The following TMPO variants were observed in gnomAD, a reference collection of about 807,000 sequenced individuals.
TMPO encodes LEM domain containing 4.
TMPO carries 22 observed loss-of-function variants against 45.4 expected under a neutral mutation model. That is an observed-to-expected ratio of 0.48 (90% CI 0.35 to 0.69). The LOEUF is 0.69. TMPO is among the 30% of genes least tolerant of loss of function. The probability of loss-of-function intolerance (pLI) is 0.01; values close to 1 mark genes in which losing one functional copy is unlikely to be tolerated. For missense variants in TMPO, 512 were observed against 548.8 expected, an observed-to-expected ratio of 0.93 and a Z score of 0.67; for synonymous variants, 241 against 204.1, an observed-to-expected ratio of 1.18 and a Z score of -1.54.
chr12:98,515,721 C>G lies in TMPO; in HGVS notation c.-147C>G. Reference sequence around the variant, plus strand: ...CGGGTCTGGCTTGGCTTTGTGTCCGCGAGTTTTTGTTCCGCTCCGCAGCGC... The same window carrying G: ...CGGGTCTGGCTTGGCTTTGTGTCCGGGAGTTTTTGTTCCGCTCCGCAGCGC... On this transcript the variant is annotated 5_prime_UTR_variant, in exon 1 of 9. Coordinates refer to ENST00000556029, the MANE Select transcript of TMPO (RefSeq NM_001032283.3). The G allele has an allele frequency of 2.7e-6, 4 of 1,502,802 alleles. No individual in the cohort carries two copies. Among genetic ancestry groups the G allele is most frequent in the Non-Finnish European group, 3.6e-6 (4 of 1,121,130 alleles). 93.1% of individuals were successfully genotyped at this position (1,502,802 alleles called of 1,614,324 possible). A position where few individuals can be genotyped will look rare whatever the true frequency, so the allele number is the denominator to read the frequency against.
intron 1 of TMPO, among the ~76,000 whole-genome samples, chr12:98,524,796 G>A (rs1876643368): frequency 6.6e-6 from 1 of 151,968 alleles, no homozygotes; most frequent in African/African-American, 2.4e-5. Context: ...GTTTCACCGT[G>A]TTGGCCATGC....
rs569018781 is a variant in TMPO at position 98,544,880 on chromosome 12, CTTTCT to C, written c.880-62_880-58del. On this transcript the variant is annotated intron_variant, in intron 6 of 8. Coordinates refer to ENST00000556029, the MANE Select transcript of TMPO (RefSeq NM_001032283.3). ...TTCTAATATTACAGAGATAAAATAT[CTTTCT>C]TTTCTTTTTAAGTGTCTGTGTTATG... The C allele has an allele frequency of 8.8e-5, 108 of 1,222,164 alleles. No homozygotes were observed. In the African/African-American group the frequency reaches 1.3e-3, roughly 14 times the overall value. 75.7% of individuals were successfully genotyped at this position (1,222,164 alleles called of 1,614,324 possible).
At chr12:98,530,751 A>G (rs928328733) in intron 2 of TMPO, among the ~76,000 whole-genome samples, 1 of 152,218 alleles carries the variant, frequency 6.6e-6, no homozygotes, top group Admixed American at 6.5e-5. Flanking sequence ...ATTTAATCAT[A>G]GTTATTTTTC....
intron 1 of TMPO, among the ~76,000 whole-genome samples, chr12:98,521,626 T>A (rs1369693007): frequency 6.6e-6 from 1 of 152,188 alleles, no homozygotes; most frequent in Non-Finnish European, 1.5e-5. Context: ...AAATAAACAT[T>A]TACAGAGTTG....
intron 1 of TMPO, among the ~76,000 whole-genome samples, chr12:98,524,078 CAG>C (rs1332382904): frequency 2.0e-5 from 3 of 152,148 alleles, no homozygotes; most frequent in Non-Finnish European, 2.9e-5. Context: ...AAACATTTAT[CAG>C]GGGGCTATTC....
chr12:98,515,787 C>T lies in TMPO; in HGVS notation c.-81C>T. On this transcript the variant is annotated 5_prime_UTR_variant, in exon 1 of 9. Transcript: ENST00000556029. ...GCCGTGAGGCTCGGAGGCGGCAGCG[C>T]GGTCCCCGGCCAGGAGCAAGCGCGC... The T allele has an allele frequency of 6.4e-7, 1 of 1,551,978 alleles. No homozygotes were observed. The highest frequency in any genetic ancestry group is 8.7e-7 in the Non-Finnish European group (1 of 1,148,806).
intron 3 of TMPO, chr12:98,534,549 A>G: frequency 3.7e-6 from 5 of 1,363,402 alleles, no homozygotes; most frequent in Non-Finnish European, 4.7e-6. Flanking sequence ...GCCTGGTACA[A>G]ACAATTTAAC....
At chr12:98,523,731 A>G (rs919483921) in intron 1 of TMPO, among the ~76,000 whole-genome samples, 1 of 152,058 alleles carries the variant, frequency 6.6e-6, no homozygotes, top group Non-Finnish European at 1.5e-5. Context: ...GCTGGAGTGC[A>G]GTGGCGCAAT....
At position 98,531,560 on chromosome 12, in the gene TMPO, A is replaced by G. The variant is rs571006272; in HGVS notation, c.407-120A>G. On this transcript the variant is annotated intron_variant, in intron 2 of 8. Transcript: ENST00000556029. ...GCATTATATGGTATTTTTTTTTTTA[A>G]GAACTTGAGTTTAGAAAAATAAAGG... 7.5e-4 allele frequency: 818 copies of G among 1,096,048 alleles called. 3 individuals are homozygous for G. Among genetic ancestry groups the G allele is most frequent in the Middle Eastern group, 6.6e-3 (22 of 3,332 alleles). 67.9% of individuals were successfully genotyped at this position (1,096,048 alleles called of 1,614,324 possible).
chr12:98,532,666 A>G (rs765804328), intron 3 of TMPO, among the ~76,000 whole-genome samples: 1 of 152,200 alleles, frequency 6.6e-6, no homozygotes, highest in African/African-American at 2.4e-5. Flanking sequence ...TTATATCTCA[A>G]TAAGCTTTGT....
rs954222614 is a variant in TMPO, at chr12:98,515,808, CGCGCCGGCGTGA to C, written c.-56_-45del. On this transcript the variant is annotated 5_prime_UTR_variant, in exon 1 of 9. Transcript: ENST00000556029. The stretch of plus-strand genomic sequence containing the variant: ...AGCGCGGTCCCCGGCCAGGAGCAAG[CGCGCCGGCGTGA>C]GCGGCGGCGGCAAAGGCTGTGGGGA... 1 of 1,566,858 alleles carries C rather than the reference CGCGCCGGCGTGA, an allele frequency of 6.4e-7. No homozygotes were observed. The highest frequency in any genetic ancestry group is 1.4e-5 in the African/African-American group (1 of 73,494).
chr12:98,541,010 G>T (rs1877884186), intron 4 of TMPO, among the ~76,000 whole-genome samples: 1 of 151,770 alleles, frequency 6.6e-6, no homozygotes, highest in African/African-American at 2.4e-5. Context: ...TTTTTTTTAT[G>T]TATTGAATTT....
Position 98,541,888 on chromosome 12 carries a change from C to T in TMPO, c.664-2342C>T, listed in dbSNP as rs148952090. 3.8e-3 allele frequency among the ~76,000 whole-genome samples: 576 copies of T among 152,176 alleles called. 4 individuals carry two copies. Among genetic ancestry groups the T allele is most frequent in the Middle Eastern group, 6.8e-3 (2 of 294 alleles). On this transcript the variant is annotated intron_variant, in intron 4 of 8. Coordinates refer to ENST00000556029, the MANE Select transcript of TMPO (RefSeq NM_001032283.3). Reference sequence around the variant, plus strand: ...ATATGCTCCCCTTTTACATAAAATGCAGCCTGCTTTGTACATTTCCATTTT... The same window carrying T: ...ATATGCTCCCCTTTTACATAAAATGTAGCCTGCTTTGTACATTTCCATTTT...
At chr12:98,544,618 G>A in intron 6 of TMPO, 81 bp downstream of exon 6, 1 of 1,171,902 alleles carries the variant, frequency 8.5e-7, no homozygotes, top group Non-Finnish European at 1.2e-6. Context: ...GGTGAATTTT[G>A]GCAAATCTCA....
chr12:98,519,064 A>T (rs1024638545), intron 1 of TMPO, among the ~76,000 whole-genome samples: 1 of 149,520 alleles, frequency 6.7e-6, no homozygotes, highest in Admixed American at 6.7e-5. Context: ...TTGTATTTTT[A>T]GTAGAGATGG....
At chr12:98,520,171 G>T (rs1413722326) in intron 1 of TMPO, among the ~76,000 whole-genome samples, 1 of 151,770 alleles carries the variant, frequency 6.6e-6, no homozygotes, top group Non-Finnish European at 1.5e-5. Flanking sequence ...TCTTGGCCAG[G>T]CTGGTCTCAA....
intron 3 of TMPO, chr12:98,533,904 A>T: frequency 1.2e-6 from 2 of 1,614,140 alleles, no homozygotes; most frequent in Non-Finnish European, 8.5e-7. Context: ...AAGCCACTCC[A>T]CTAGGAGGTA....
intron 3 of TMPO, chr12:98,535,610 A>G (rs748745897): frequency 4.1e-6 from 4 of 985,330 alleles, no homozygotes; most frequent in East Asian, 1.1e-4. Flanking sequence ...TGCAAATTCA[A>G]TAAAGTTGTT....
chr12:98,518,513 G>A lies in TMPO; in HGVS notation c.279+2367G>A, dbSNP rs577332946. On this transcript the variant is annotated intron_variant, in intron 1 of 8. Coordinates refer to ENST00000556029, the MANE Select transcript of TMPO (RefSeq NM_001032283.3). ...TTTTTTTGGTACACAGGCTTTCTGT[G>A]TTGTCCAGGCTGGTCTAGAACTCTT... Among the ~76,000 whole-genome samples the A allele has an allele frequency of 3.6e-5, 4 of 110,734 alleles. No individual in the cohort carries two copies. The South Asian group carries it at 1.2e-3, about 32-fold the overall frequency. 72.6% of individuals were successfully genotyped at this position (110,734 alleles called of 152,430 possible).
Sources: gnomAD v4.1 joint callset for allele counts (sites outside exome capture counted in the v4.1 genomes callset) on GRCh38, gnomAD v4.1.1 for gene constraint, MANE v1.5 for transcripts, NCBI Gene and HGNC (gene_info 2026-07-23, HGNC 2026-07-21) for gene names.